Variants in PLEKHM3 observed in about 807,000 individuals in gnomAD.
PLEKHM3 encodes the protein pleckstrin homology domain-containing family M member 3.
Under a neutral mutation model 81.8 loss-of-function variants are expected in PLEKHM3, and 45 were observed. The observed-to-expected ratio is 0.55, with a 90% confidence interval of 0.43 to 0.71. The LOEUF is 0.71. Among genes scored for constraint, PLEKHM3 ranks in the 30% least tolerant of loss-of-function variants. The pLI is 0.00. For synonymous variants in PLEKHM3, 352 were observed against 356.4 expected, an observed-to-expected ratio of 0.99 and a Z score of 0.14; for missense variants, 788 against 924.3, an observed-to-expected ratio of 0.85 and a Z score of 1.91.
Position 207,849,092 on chromosome 2 carries a change from T to C in PLEKHM3, c.2108+12013A>G, listed in dbSNP as rs144910990. 4.4e-3 allele frequency among the ~76,000 whole-genome samples: 675 copies of C among 152,218 alleles called. 3 individuals are homozygous for C. The highest frequency in any genetic ancestry group is 0.014 in the African/African-American group (596 of 41,546). On this transcript the variant is annotated intron_variant, in intron 7 of 7. Coordinates refer to ENST00000427836, the MANE Select transcript of PLEKHM3 (RefSeq NM_001080475.3). ...CTCATGCCTGTAATCTTGGCACTTT[T>C]GGAGGCCGAGGCGGGCGGATCACTG...
At chr2:208,023,252 C>T (rs948208920) in intron 1 of PLEKHM3, among the ~76,000 whole-genome samples, 1 of 150,666 alleles carries the variant, frequency 6.6e-6, no homozygotes, top group South Asian at 2.1e-4. Flanking sequence ...AAGCAATGCC[C>T]CCGCCTCAGC....
intron 5 of PLEKHM3, among the ~76,000 whole-genome samples, chr2:207,919,266 G>A (rs1176345535): frequency 6.6e-6 from 1 of 152,218 alleles, no homozygotes; most frequent in Non-Finnish European, 1.5e-5. Flanking sequence ...AAAGGCCAGT[G>A]TGACTGGAAC....
intron 4 of PLEKHM3, among the ~76,000 whole-genome samples, chr2:207,943,685 G>A (rs1037804484): frequency 5.9e-5 from 9 of 151,862 alleles, no homozygotes; most frequent in South Asian, 2.1e-4. Context: ...CGGCTAGAAC[G>A]GTGAAACCCC....
chr2:208,017,058 C>G (rs1692946139), intron 1 of PLEKHM3, among the ~76,000 whole-genome samples: 2 of 152,120 alleles, frequency 1.3e-5, no homozygotes, highest in African/African-American at 4.8e-5. Context: ...TTGGTGGAGT[C>G]AATGTAGTAT....
chr2:207,828,836 G>A (rs923609307), intron 7 of PLEKHM3, among the ~76,000 whole-genome samples: 5 of 152,294 alleles, frequency 3.3e-5, no homozygotes, highest in African/African-American at 1.2e-4. Context: ...AGAGTGAAAT[G>A]ACAGAAAATG....
At chr2:207,875,199 CTTAAA>C (rs1364908984) in intron 6 of PLEKHM3, among the ~76,000 whole-genome samples, 1 of 152,004 alleles carries the variant, frequency 6.6e-6, no homozygotes, top group Non-Finnish European at 1.5e-5. Context: ...ACAAAGCTCT[CTTAAA>C]TTAATAAGGA....
chr2:208,025,254 T>C (rs537577196), intron 1 of PLEKHM3, 135 bp downstream of exon 1: 5 of 152,402 alleles, frequency 3.3e-5, no homozygotes, highest in African/African-American at 1.2e-4. Context: ...CAGCACGTAA[T>C]AAAAACCTGA....
chr2:207,864,700 T>C (rs552612881), intron 6 of PLEKHM3, among the ~76,000 whole-genome samples: 1 of 152,332 alleles, frequency 6.6e-6, no homozygotes, highest in East Asian at 1.9e-4. Flanking sequence ...GGTGTGAACA[T>C]TTTGAAGGCT....
rs540360826 is a variant in PLEKHM3, at chr2:208,011,035, C to T, written c.-318-9078G>A. 2.8e-4 allele frequency among the ~76,000 whole-genome samples: 42 copies of T among 148,244 alleles called. 1 individual carries two copies. In the South Asian group the frequency reaches 8.5e-3, roughly 30 times the overall value. On this transcript the variant is annotated intron_variant, in intron 1 of 7. Coordinates refer to ENST00000427836, the MANE Select transcript of PLEKHM3 (RefSeq NM_001080475.3). Reference sequence around the variant, plus strand: ...GCAAACCAAAACCACAATGTGATACCACCTTACTCCTGCAAGAATGGCCAT... The same window carrying T: ...GCAAACCAAAACCACAATGTGATACTACCTTACTCCTGCAAGAATGGCCAT...
In PLEKHM3 at chr2:208,001,676, G is replaced by C. The variant is rs753856363; in HGVS notation, c.-37C>G. 7 of 1,571,738 alleles carry C rather than the reference G, an allele frequency of 4.5e-6. No homozygotes were observed. The highest frequency in any genetic ancestry group is 1.4e-5 in the African/African-American group (1 of 72,900). On this transcript the variant is annotated 5_prime_UTR_variant, in exon 2 of 8. Coordinates refer to ENST00000427836, the MANE Select transcript of PLEKHM3 (RefSeq NM_001080475.3). The stretch of plus-strand genomic sequence containing the variant: ...CAGGAGGCCTTAGCCTCCTAAGCTG[G>C]TTCCAGAAATGGCTTCATGAACATT...
At position 207,861,247 on chromosome 2, in the gene PLEKHM3, G is replaced by A; in HGVS notation, c.1966C>T (p.Leu656=). 1 of 1,614,058 alleles carries A rather than the reference G, an allele frequency of 6.2e-7. No homozygotes were observed. Among genetic ancestry groups the A allele is most frequent in the Non-Finnish European group, 8.5e-7 (1 of 1,179,988 alleles). The change falls in exon 7 of 8, where the codon CTG becomes TTG. Residue 656 remains leucine (L), a synonymous_variant. Transcript: ENST00000427836. ...ADLQQVIEGK[L]APFLGKVIKF... is the part of the protein sequence containing the mutation. ...ATGACCTTGCCCAAGAATGGAGCCAGCTTTCCCTCTATTACCTGCAGAAAG... is the reference window on the plus strand; with the variant it reads ...ATGACCTTGCCCAAGAATGGAGCCAACTTTCCCTCTATTACCTGCAGAAAG...
intron 7 of PLEKHM3, among the ~76,000 whole-genome samples, chr2:207,860,151 C>CTGTGTG (rs55739776): frequency 0.083 from 9,137 of 110,540 alleles, 536 homozygotes; most frequent in East Asian, 0.11. Context: ...AACTCTGCCT[C>CTGTGTG]TGTGTGTGTG....
chr2:208,002,163 C>T (rs187627057), intron 1 of PLEKHM3, among the ~76,000 whole-genome samples: 1 of 152,292 alleles, frequency 6.6e-6, no homozygotes, highest in Admixed American at 6.5e-5. Context: ...GGGAGGAACA[C>T]TTGATAAGAG....
At chr2:207,907,969 A>T (rs984577691) in intron 6 of PLEKHM3, among the ~76,000 whole-genome samples, 4 of 152,234 alleles carry the variant, frequency 2.6e-5, no homozygotes, top group African/African-American at 9.6e-5. Flanking sequence ...GGCTTCTTTT[A>T]CTTAGCATAG....
At chr2:207,990,033 C>T (rs941081374) in intron 2 of PLEKHM3, among the ~76,000 whole-genome samples, 1 of 152,210 alleles carries the variant, frequency 6.6e-6, no homozygotes, top group Admixed American at 6.5e-5. Flanking sequence ...TCCTCCTTCT[C>T]ATGGGTGGGG....
chr2:207,966,834 T>C (rs1446358837), intron 3 of PLEKHM3, among the ~76,000 whole-genome samples: 1 of 152,168 alleles, frequency 6.6e-6, no homozygotes, highest in Non-Finnish European at 1.5e-5. Flanking sequence ...ATTACAGGCG[T>C]GAGCCACCCC....
chr2:207,997,019 A>G (rs1692143167), intron 2 of PLEKHM3, among the ~76,000 whole-genome samples: 1 of 151,806 alleles, frequency 6.6e-6, no homozygotes, highest in African/African-American at 2.4e-5. Context: ...AAAAAAAAAA[A>G]AATTACAATG....
chr2:207,981,261 A>G (rs1691514857), intron 2 of PLEKHM3, among the ~76,000 whole-genome samples: 1 of 152,172 alleles, frequency 6.6e-6, no homozygotes, highest in South Asian at 2.1e-4. Flanking sequence ...TATATTGTGT[A>G]TGATATAAAA....
chr2:208,004,085 A>AT (rs1692412433), intron 1 of PLEKHM3, among the ~76,000 whole-genome samples: 1 of 151,668 alleles, frequency 6.6e-6, no homozygotes, highest in Non-Finnish European at 1.5e-5. Context: ...TAGATATATT[A>AT]TTTTTTATGC....
Sources: gnomAD v4.1 joint callset for allele counts (sites outside exome capture counted in the v4.1 genomes callset) on GRCh38, gnomAD v4.1.1 for gene constraint, MANE v1.5 for transcripts, NCBI Gene and HGNC (gene_info 2026-07-23, HGNC 2026-07-21) for gene names.